The following TRIM33 variants were observed in gnomAD, a reference collection of about 807,000 sequenced individuals.
The protein encoded by TRIM33 is tripartite motif containing 33, also known as E3 ubiquitin-protein ligase TRIM33.
Under a neutral mutation model 125.4 loss-of-function variants are expected in TRIM33, and 20 were observed. The ratio of observed to expected loss-of-function variants is 0.16; its 90% CI spans 0.11 to 0.23. TRIM33 has a LOEUF of 0.23. TRIM33 is among the 10% of genes least tolerant of loss of function. TRIM33 has a pLI of 1.00. For missense variants in TRIM33, 920 were observed against 1,411.4 expected (o/e 0.65, Z 5.58); for synonymous variants, 564 against 513.9 (o/e 1.10, Z -1.32).
chr1:114,482,230 T>A (rs916044888), intron 1 of TRIM33, among the ~76,000 whole-genome samples: 1 of 151,988 alleles, frequency 6.6e-6, no homozygotes, highest in Non-Finnish European at 1.5e-5. Flanking sequence ...TTTAACACCA[T>A]GAACTTAGAG....
intron 4 of TRIM33, among the ~76,000 whole-genome samples, chr1:114,453,706 A>T (rs935638650): frequency 2.0e-5 from 3 of 152,176 alleles, no homozygotes; most frequent in Non-Finnish European, 4.4e-5. Context: ...ACACAGTCTC[A>T]TATCAACCTC....
At chr1:114,459,181 G>A (rs747980707) in intron 4 of TRIM33, among the ~76,000 whole-genome samples, 11 of 152,134 alleles carry the variant, frequency 7.2e-5, no homozygotes, top group Admixed American at 5.2e-4. Flanking sequence ...ATGGGTGCTG[G>A]CTGCCAGGGG....
At chr1:114,418,792 T>G (rs1653091908) in intron 11 of TRIM33, among the ~76,000 whole-genome samples, 1 of 151,794 alleles carries the variant, frequency 6.6e-6, no homozygotes, top group Non-Finnish European at 1.5e-5. Flanking sequence ...CAAGCCCTCC[T>G]GTGGCCCCAC....
chr1:114,406,279 C>T (rs1295763955), intron 14 of TRIM33, among the ~76,000 whole-genome samples: 1 of 152,136 alleles, frequency 6.6e-6, no homozygotes, highest in East Asian at 1.9e-4. Flanking sequence ...AAAACCAAGG[C>T]TGAATCTCTT....
chr1:114,416,693 T>C (rs967057739), intron 11 of TRIM33, among the ~76,000 whole-genome samples: 4 of 152,212 alleles, frequency 2.6e-5, no homozygotes, highest in Admixed American at 1.3e-4. Flanking sequence ...CACCTCTACA[T>C]TTGAGTCTTA....
Position 114,410,215 on chromosome 1 carries a change from T to C in TRIM33, c.2163A>G (p.Pro721=). ...PQPTSTMNPS[P]GPSALSPGSS... is the part of the protein sequence containing the mutation. ...ATCCCGGAGAAAGGGCAGAGGGACC[T>C]GGAGAAGGATTCATGGTGCTTGTAG... is the stretch of plus-strand genomic sequence containing the variant. The change falls in exon 12 of 20, where the codon CCA becomes CCG. Residue 721 remains proline, a synonymous_variant. Transcript: ENST00000358465. The C allele has an allele frequency of 1.2e-6, 2 of 1,614,080 alleles. No homozygotes were observed. Among genetic ancestry groups the C allele is most frequent in the Non-Finnish European group, 1.7e-6 (2 of 1,179,980 alleles).
At chr1:114,463,698 C>A in intron 2 of TRIM33, 142 bp from the exon 3 acceptor site, 1 of 583,732 alleles carries the variant, frequency 1.7e-6, no homozygotes, top group East Asian at 3.1e-5. Context: ...CAACAAAATC[C>A]TTTTCCTTAC....
At chr1:114,508,280 A>C (rs1653124111) in intron 1 of TRIM33, among the ~76,000 whole-genome samples, 1 of 152,178 alleles carries the variant, frequency 6.6e-6, no homozygotes, top group Admixed American at 6.5e-5. Context: ...GAGGGGATTT[A>C]CATATTATTC....
chr1:114,413,199 A>G (rs1652697191), intron 11 of TRIM33, among the ~76,000 whole-genome samples: 1 of 152,214 alleles, frequency 6.6e-6, no homozygotes, highest in African/African-American at 2.4e-5. Flanking sequence ...GGGCTAAAAA[A>G]ACATCCAATG....
intron 17 of TRIM33, among the ~76,000 whole-genome samples, chr1:114,399,892 G>T (rs1056459798): frequency 5.9e-5 from 9 of 151,694 alleles, no homozygotes; most frequent in African/African-American, 2.2e-4. Context: ...TAGCCTTGAG[G>T]CAACATTTGA....
intron 6 of TRIM33, among the ~76,000 whole-genome samples, chr1:114,429,444 G>C (rs1409832562): frequency 2.6e-5 from 4 of 151,752 alleles, no homozygotes; most frequent in African/African-American, 7.3e-5. Flanking sequence ...ACCCACCTCA[G>C]CCTCCCAAAG....
chr1:114,510,522 C>T (rs1248357692), intron 1 of TRIM33, 29 bp downstream of exon 1: 19 of 1,450,786 alleles, frequency 1.3e-5, no homozygotes, highest in East Asian at 2.7e-5. Flanking sequence ...CCCTTGCGGC[C>T]CAGATGCCAG....
chr1:114,431,884 T>C (rs1647972095), intron 5 of TRIM33, among the ~76,000 whole-genome samples: 1 of 152,282 alleles, frequency 6.6e-6, no homozygotes, highest in Non-Finnish European at 1.5e-5. Flanking sequence ...ATAAGAAATA[T>C]AGGTTTCAAA....
In TRIM33 at chr1:114,436,438, C is replaced by T. The variant is rs549112381; in HGVS notation, c.924-2705G>A. On this transcript the variant is annotated intron_variant, in intron 4 of 19. Coordinates refer to ENST00000358465, the MANE Select transcript of TRIM33 (RefSeq NM_015906.4). Reference sequence around the variant, plus strand: ...AAAAAAAAAAAAGATACTAATAGCACAAAAAAGCACGTGAATATTTTCAGA... The same window carrying T: ...AAAAAAAAAAAAGATACTAATAGCATAAAAAAGCACGTGAATATTTTCAGA... Among the ~76,000 whole-genome samples the T allele has an allele frequency of 2.8e-5, 4 of 143,594 alleles. No homozygotes were observed. The South Asian group carries it at 9.2e-4, about 33-fold the overall frequency. 94.2% of individuals were successfully genotyped at this position (143,594 alleles called of 152,430 possible).
At chr1:114,421,362 A>T in intron 11 of TRIM33, 74 bp downstream of exon 11, 2 of 1,392,728 alleles carry the variant, frequency 1.4e-6, no homozygotes, top group Non-Finnish European at 2.0e-6. Context: ...AAAAAAAAAA[A>T]ACTCTGAAAT....
intron 1 of TRIM33, among the ~76,000 whole-genome samples, chr1:114,475,311 T>C (rs1274765284): frequency 6.6e-6 from 1 of 152,194 alleles, no homozygotes; most frequent in Non-Finnish European, 1.5e-5. Context: ...AGAACCACAA[T>C]AATCTCTGAA....
At chr1:114,463,747 C>T (rs998392031) in intron 2 of TRIM33, among the ~76,000 whole-genome samples, 191 bp from the exon 3 acceptor site, 19 of 150,034 alleles carry the variant, frequency 1.3e-4, no homozygotes, top group Middle Eastern at 3.5e-3. Flanking sequence ...GCTGAGAACA[C>T]GAAGTCTGTG....
Position 114,463,563 on chromosome 1 carries a change from G to T in TRIM33, c.646-7C>A. On this transcript the variant is annotated splice_region_variant and splice_polypyrimidine_tract_variant and intron_variant, in intron 2 of 19. Transcript: ENST00000358465. ...CTTCACAACTAGTACATACCTAAAAGAAGAAATAAGCACTAATCTAAATTA... is the reference window on the plus strand; with the variant it reads ...CTTCACAACTAGTACATACCTAAAATAAGAAATAAGCACTAATCTAAATTA... The T allele has an allele frequency of 6.6e-7, 1 of 1,511,594 alleles. No individual in the cohort carries two copies. The highest frequency in any genetic ancestry group is 9.0e-7 in the Non-Finnish European group (1 of 1,114,874). The allele number at this position is 1,511,594 out of a possible 1,614,324, so 93.6% of individuals were successfully genotyped here.
intron 11 of TRIM33, among the ~76,000 whole-genome samples, chr1:114,417,648 A>ATTAT (rs1007279523): frequency 2.4e-4 from 37 of 151,992 alleles, no homozygotes; most frequent in East Asian, 7.7e-4. Flanking sequence ...AACTTTTCTT[A>ATTAT]TTATTTATTT....
Sources: gnomAD v4.1 joint callset for allele counts (sites outside exome capture counted in the v4.1 genomes callset) on GRCh38, gnomAD v4.1.1 for gene constraint, MANE v1.5 for transcripts, NCBI Gene and HGNC (gene_info 2026-07-23, HGNC 2026-07-21) for gene names.